Variants in CDHR1 observed in about 807,000 individuals in gnomAD.
CDHR1 encodes the protein cadherin related family member 1, also known as cadherin-related family member 1.
CDHR1 carries 61 observed loss-of-function variants against 72.1 expected under a neutral mutation model. The observed-to-expected ratio is 0.85, with a 90% CI of 0.69 to 1.05. CDHR1 has a LOEUF of 1.05. Among genes scored for constraint, CDHR1 ranks in the 50% least tolerant of loss-of-function variants. The pLI is 0.00. For missense variants in CDHR1, 1,186 were observed against 1,115.7 expected (o/e 1.06, Z -0.90); for synonymous variants, 470 against 448.1 (o/e 1.05, Z -0.62).
At chr10:84,207,923 G>A (rs1048517388) in intron 10 of CDHR1, among the ~76,000 whole-genome samples, 10 of 152,206 alleles carry the variant, frequency 6.6e-5, no homozygotes, top group African/African-American at 2.2e-4. Context: ...ATTAGTCTCT[G>A]TTAACTGTAG....
At chr10:84,210,000 G>T (rs919039704) in intron 12 of CDHR1, among the ~76,000 whole-genome samples, 1 of 152,140 alleles carries the variant, frequency 6.6e-6, no homozygotes, top group African/African-American at 2.4e-5. Flanking sequence ...GGGACAGATC[G>T]CTTGAGCCCA....
At chr10:84,210,223 G>GTT (rs984549453) in intron 12 of CDHR1, among the ~76,000 whole-genome samples, 1 of 150,584 alleles carries the variant, frequency 6.6e-6, no homozygotes, top group Non-Finnish European at 1.5e-5. Context: ...CGTTTTTTTT[G>GTT]TTTTTTTTGT....
chr10:84,206,000 G>GAAAAAGGGCCTGGGTGT, intron 10 of CDHR1, 73 bp downstream of exon 10: 1 of 1,169,900 alleles, frequency 8.5e-7, no homozygotes, highest in Non-Finnish European at 1.3e-6. Context: ...AGACACCCAG[G>GAAAAAGGGCCTGGGTGT]CCCTTTTTCC....
intron 5 of CDHR1, among the ~76,000 whole-genome samples, chr10:84,200,187 A>AT (rs2132797969): frequency 7.0e-6 from 1 of 143,572 alleles, no homozygotes; most frequent in Non-Finnish European, 1.5e-5. Context: ...AAAAAAAAAA[A>AT]GTTTGCTAAG....
intron 16 of CDHR1, among the ~76,000 whole-genome samples, chr10:84,213,599 G>C (rs959850331): frequency 9.2e-5 from 14 of 152,200 alleles, no homozygotes; most frequent in Non-Finnish European, 2.9e-5. Context: ...GGATAAGGAT[G>C]CCTCCTTCAC....
Position 84,200,638 on chromosome 10 carries a change from C to A in CDHR1, c.476C>A (p.Ala159Glu), listed in dbSNP as rs763399323. ...GGGAGCATCATCTTTAAGGTCCATGCAGTGGACAGGGACACAGGCTCTGGA... is the reference window on the plus strand; with the variant it reads ...GGGAGCATCATCTTTAAGGTCCATGAAGTGGACAGGGACACAGGCTCTGGA... ...PAGSIIFKVH[A>E]VDRDTGSGGS... Residue 159 changes from alanine (A) to glutamate (E), a missense_variant, in exon 6 of 17, where the codon GCA (alanine) becomes GAA (glutamate). Ala to Glu is a moderately radical substitution (Grantham distance 107). Transcript: ENST00000623527. 1 of 1,612,228 alleles carries A rather than the reference C, an allele frequency of 6.2e-7. No individual in the cohort carries two copies. Among genetic ancestry groups the A allele is most frequent in the Admixed American group, 1.7e-5 (1 of 59,802 alleles).
intron 6 of CDHR1, 31 bp downstream of exon 6, chr10:84,200,718 G>A: frequency 6.5e-7 from 1 of 1,547,214 alleles, no homozygotes; most frequent in Non-Finnish European, 8.9e-7. Context: ...CCTAACCTGG[G>A]GCTGGGCCGG....
rs61867367 is a variant in CDHR1, at chr10:84,214,067, G to A, written c.2041-15G>A. The A allele has an allele frequency of 0.01, 16,886 of 1,614,104 alleles. 116 individuals carry two copies. The highest frequency in any genetic ancestry group is 0.013 in the Non-Finnish European group (14,754 of 1,179,988). On this transcript the variant is annotated splice_polypyrimidine_tract_variant and intron_variant, in intron 16 of 16. Transcript: ENST00000623527. ...GTGGGAACAGCTGAGTGCAGGGAGT[G>A]GCTTTCTCTTTCAGACCCTCTCCCG...
Position 84,194,752 on chromosome 10 carries a change from G to C in CDHR1, c.-9G>C. 1 of 1,502,472 alleles carries C rather than the reference G, an allele frequency of 6.7e-7. No homozygotes were observed. The highest frequency in any genetic ancestry group is 8.8e-7 in the Non-Finnish European group (1 of 1,133,966). The allele number at this position is 1,502,472 out of a possible 1,614,324, so 93.1% of individuals were successfully genotyped here. On this transcript the variant is annotated 5_prime_UTR_variant, in exon 1 of 17. Coordinates refer to ENST00000623527, the MANE Select transcript of CDHR1 (RefSeq NM_033100.4). ...GCGGCGGCAGGCGACACTCCGCGCC[G>C]GCGGAGACATGAGGCGCTGCCGGTG... is the stretch of plus-strand genomic sequence containing the variant.
intron 13 of CDHR1, 77 bp downstream of exon 13, chr10:84,211,242 A>G: frequency 6.7e-7 from 1 of 1,495,050 alleles, no homozygotes; most frequent in Admixed American, 1.7e-5. Context: ...AGGTCATTGC[A>G]GTTTGAGTGG....
At position 84,211,097 on chromosome 10, in the gene CDHR1, G is replaced by T; in HGVS notation, c.1417G>T (p.Asp473Tyr). 1 of 1,614,200 alleles carries T rather than the reference G, an allele frequency of 6.2e-7. No homozygotes were observed. Among genetic ancestry groups the T allele is most frequent in the Non-Finnish European group, 8.5e-7 (1 of 1,180,046 alleles). The change falls in exon 13 of 17, where the codon GAC becomes TAC. Residue 473 changes from aspartate to tyrosine, a missense_variant. Asp to Tyr is a radical substitution (Grantham distance 160). Coordinates refer to ENST00000623527, the MANE Select transcript of CDHR1 (RefSeq NM_033100.4). ...CACCAATGACAATGTCCCCAAGTTCGACTCCCTCTACTACGTTGCCAGGAT... is the reference window on the plus strand; with the variant it reads ...CACCAATGACAATGTCCCCAAGTTCTACTCCCTCTACTACGTTGCCAGGAT... Reference protein sequence around the residue: ...LDTNDNVPKFDSLYYVARIPE... With the variant: ...LDTNDNVPKFYSLYYVARIPE...
rs748565690 is a variant in CDHR1 at position 84,205,921 on chromosome 10, T to A, written c.957T>A (p.His319Gln). Residue 319 changes from histidine to glutamine, a missense_variant, in exon 10 of 17, where the codon CAT becomes CAA. Coordinates refer to ENST00000623527, the MANE Select transcript of CDHR1 (RefSeq NM_033100.4). ...TCCAGAGAGAGGTGTATGAGCTGCA[T>A]GTACAGGTACCCTCCCTCTAGCTTT... is the stretch of plus-strand genomic sequence containing the variant. Reference protein sequence around the residue: ...AQLQREVYELHVQVTEMSPAG... With the variant: ...AQLQREVYELQVQVTEMSPAG... The A allele has an allele frequency of 5.0e-6, 8 of 1,612,866 alleles. No individual in the cohort carries two copies. The highest frequency in any genetic ancestry group is 6.8e-6 in the Non-Finnish European group (8 of 1,178,852).
intron 10 of CDHR1, among the ~76,000 whole-genome samples, chr10:84,207,557 A>T (rs1386811486): frequency 6.6e-6 from 1 of 152,186 alleles, no homozygotes; most frequent in Non-Finnish European, 1.5e-5. Context: ...GGTTCATAGG[A>T]TATCTGCCAC....
chr10:84,208,507 A>G (rs1842271145), intron 11 of CDHR1, 130 bp downstream of exon 11: 1 of 1,133,992 alleles, frequency 8.8e-7, no homozygotes, highest in Admixed American at 2.0e-5. Flanking sequence ...AATGAATGAA[A>G]CAAGAAGTTG....
At chr10:84,209,195 C>T (rs182056688) in intron 12 of CDHR1, among the ~76,000 whole-genome samples, 46 of 152,224 alleles carry the variant, frequency 3.0e-4, no homozygotes, top group African/African-American at 6.7e-4. Context: ...TTATCATATG[C>T]CTTGACATTT....
At position 84,216,022 on chromosome 10, in the gene CDHR1, A is replaced by T. The variant is rs1328204228; in HGVS notation, c.*1401A>T. ...ATCTTGTCTAGCCAGGGCAGCCCTTATCAGCTTGTGACAACCTTCCCCAGG... is the reference window on the plus strand; with the variant it reads ...ATCTTGTCTAGCCAGGGCAGCCCTTTTCAGCTTGTGACAACCTTCCCCAGG... On this transcript the variant is annotated 3_prime_UTR_variant, in exon 17 of 17. Coordinates refer to ENST00000623527, the MANE Select transcript of CDHR1 (RefSeq NM_033100.4). The T allele has an allele frequency of 1.0e-6, 1 of 985,334 alleles. No homozygotes were observed. Among genetic ancestry groups the T allele is most frequent in the African/African-American group, 1.7e-5 (1 of 57,232 alleles). The allele number at this position is 985,334 out of a possible 1,614,324, so 61.0% of individuals were successfully genotyped here. A position where few individuals can be genotyped will look rare whatever the true frequency, so the allele number is the denominator to read the frequency against.
At position 84,214,380 on chromosome 10, in the gene CDHR1, A is replaced by G. The variant is rs2132837594; in HGVS notation, c.2339A>G (p.Asn780Ser). ...AAACCTCCCAATGAGAACTGTAACAACAACAGCCCAGAAAGCTCTCTGCTC... is the reference window on the plus strand; with the variant it reads ...AAACCTCCCAATGAGAACTGTAACAGCAACAGCCCAGAAAGCTCTCTGCTC... ...KEKPPNENCN[N>S]NSPESSLLPR... The change falls in exon 17 of 17, where the codon AAC (asparagine) becomes AGC (serine). Residue 780 changes from asparagine to serine, a missense_variant. By Grantham distance (46) the Asn-to-Ser change is conservative. Coordinates refer to ENST00000623527, the MANE Select transcript of CDHR1 (RefSeq NM_033100.4). 1 of 1,614,132 alleles carries G rather than the reference A, an allele frequency of 6.2e-7. No individual in the cohort carries two copies. The highest frequency in any genetic ancestry group is 8.5e-7 in the Non-Finnish European group (1 of 1,180,028).
chr10:84,198,173 G>C (rs1329779545), intron 4 of CDHR1, among the ~76,000 whole-genome samples: 2 of 152,028 alleles, frequency 1.3e-5, no homozygotes, highest in Non-Finnish European at 2.9e-5. Context: ...ACACCCCACA[G>C]CAACCACTTT....
At chr10:84,202,237 G>T (rs1459355247) in intron 7 of CDHR1, among the ~76,000 whole-genome samples, 1 of 152,026 alleles carries the variant, frequency 6.6e-6, no homozygotes, top group Non-Finnish European at 1.5e-5. Context: ...CCTCCCTCTC[G>T]CTGGCCAGGC....
Sources: allele counts gnomAD v4.1 joint callset (sites outside exome capture counted in the v4.1 genomes callset), GRCh38; gene constraint gnomAD v4.1.1; transcripts MANE v1.5; gene names NCBI Gene and HGNC (gene_info 2026-07-23, HGNC 2026-07-21).